Variants in TMEM132D observed in about 807,000 individuals in gnomAD.
TMEM132D encodes the protein mature OL transmembrane protein.
A neutral mutation model predicts 62.3 loss-of-function variants in TMEM132D; 21 were observed. That is an observed-to-expected ratio of 0.34 (90% confidence interval 0.24 to 0.49). The LOEUF (loss-of-function observed/expected upper bound fraction) is 0.49, where lower values mean the gene tolerates loss of function less well. Among genes scored for constraint, TMEM132D ranks in the 20% least tolerant of loss-of-function variants. The probability of loss-of-function intolerance (pLI) is 0.99; values close to 1 mark genes in which losing one functional copy is unlikely to be tolerated. For synonymous variants in TMEM132D, 621 were observed against 575.6 expected, an observed-to-expected ratio of 1.08 and a Z score of -1.13; for missense variants, 1,346 against 1,402.8, an observed-to-expected ratio of 0.96 and a Z score of 0.65.
intron 4 of TMEM132D, among the ~76,000 whole-genome samples, chr12:129,291,510 C>T (rs1158103259): frequency 6.6e-6 from 1 of 152,226 alleles, no homozygotes; most frequent in East Asian, 1.9e-4. Context: ...AGTCCTCCAT[C>T]TCTTCCCTCT....
intron 3 of TMEM132D, among the ~76,000 whole-genome samples, chr12:129,457,436 G>A (rs1409008255): frequency 1.7e-5 from 2 of 120,876 alleles, no homozygotes; most frequent in East Asian, 5.8e-4. Flanking sequence ...ACCGGGGCCT[G>A]TTGTGGGGTA....
intron 2 of TMEM132D, among the ~76,000 whole-genome samples, chr12:129,540,343 T>C (rs1055263101): frequency 2.0e-5 from 3 of 152,078 alleles, no homozygotes; most frequent in African/African-American, 7.2e-5. Context: ...TGTTAGAGGC[T>C]CTGAAGTCAA....
chr12:129,845,090 T>C (rs951409227), intron 1 of TMEM132D, among the ~76,000 whole-genome samples: 1 of 152,172 alleles, frequency 6.6e-6, no homozygotes, highest in Admixed American at 6.5e-5. Context: ...TACCTTTTGG[T>C]GTACAGAGAA....
intron 2 of TMEM132D, among the ~76,000 whole-genome samples, chr12:129,605,622 TACACACAC>T (rs55684861): frequency 1.8e-4 from 23 of 126,830 alleles, no homozygotes; most frequent in Non-Finnish European, 3.3e-4. Context: ...CATATATATA[TACACACAC>T]ACACACACAC....
rs574815768 is a variant in TMEM132D, at chr12:129,880,407, T to C, written c.79+22854A>G. Among the ~76,000 whole-genome samples, 14 of 152,306 alleles carry C rather than the reference T, an allele frequency of 9.2e-5. No homozygotes were observed. The East Asian group carries it at 2.5e-3, about 27-fold the overall frequency. Reference sequence around the variant, plus strand: ...AGACTGTGTTACAGGCAGAAATGAATATCTGCACAAAGAACTGAAAACTTC... The same window carrying C: ...AGACTGTGTTACAGGCAGAAATGAACATCTGCACAAAGAACTGAAAACTTC... On this transcript the variant is annotated intron_variant, in intron 1 of 8. Coordinates refer to ENST00000422113, the MANE Select transcript of TMEM132D (RefSeq NM_133448.3).
chr12:129,635,405 C>T (rs984499011), intron 2 of TMEM132D, among the ~76,000 whole-genome samples: 1 of 152,232 alleles, frequency 6.6e-6, no homozygotes, highest in Non-Finnish European at 1.5e-5. Flanking sequence ...CAGAGAGGTG[C>T]AGGATGCTCA....
chr12:129,810,562 ACACACACACACC>A (rs752908746), intron 1 of TMEM132D, among the ~76,000 whole-genome samples: 63 of 18,946 alleles, frequency 3.3e-3, no homozygotes, highest in Admixed American at 0.012. Flanking sequence ...ACACACACAC[ACACACACACACC>A]CCCCCACACT....
chr12:129,627,452 G>A (rs1050213536), intron 2 of TMEM132D, among the ~76,000 whole-genome samples: 7 of 152,130 alleles, frequency 4.6e-5, no homozygotes, highest in African/African-American at 1.2e-4. Context: ...AGTATACTCC[G>A]TGATGTCTGC....
chr12:129,703,465 CT>C (rs11392426), intron 1 of TMEM132D, among the ~76,000 whole-genome samples: 25 of 147,690 alleles, frequency 1.7e-4, no homozygotes, highest in African/African-American at 4.7e-4. Flanking sequence ...CACTTCCTTT[CT>C]TTTTTTTTTT....
At chr12:129,595,834 T>G (rs1038098583) in intron 2 of TMEM132D, among the ~76,000 whole-genome samples, 1 of 152,212 alleles carries the variant, frequency 6.6e-6, no homozygotes, top group African/African-American at 2.4e-5. Context: ...ATGAGCCAGT[T>G]TCCAGTGGTC....
At chr12:129,552,861 A>C (rs1261782126) in intron 2 of TMEM132D, among the ~76,000 whole-genome samples, 1 of 152,118 alleles carries the variant, frequency 6.6e-6, no homozygotes, top group Admixed American at 6.5e-5. Context: ...ATTATCTATC[A>C]TCTACCTATC....
chr12:129,815,335 C>T (rs988374035), intron 1 of TMEM132D, among the ~76,000 whole-genome samples: 3 of 152,200 alleles, frequency 2.0e-5, no homozygotes, highest in African/African-American at 7.2e-5. Context: ...CTCTTCCAGG[C>T]ATCGCTTGAG....
intron 1 of TMEM132D, among the ~76,000 whole-genome samples, chr12:129,811,177 G>C (rs1872166014): frequency 6.6e-6 from 1 of 151,590 alleles, no homozygotes; most frequent in Non-Finnish European, 1.5e-5. Flanking sequence ...AAAATGTTTG[G>C]GGAAAATGAC....
chr12:129,831,170 CCCAGCCCACTCA>C (rs761651708), intron 1 of TMEM132D, among the ~76,000 whole-genome samples: 6 of 152,322 alleles, frequency 3.9e-5, no homozygotes, highest in Non-Finnish European at 8.8e-5. Context: ...GGAACTGGGA[CCCAGCCCACTCA>C]CCAGCACATC....
intron 2 of TMEM132D, among the ~76,000 whole-genome samples, chr12:129,694,331 A>T (rs986492171): frequency 6.6e-6 from 1 of 152,212 alleles, no homozygotes; most frequent in African/African-American, 2.4e-5. Context: ...CAATTGAAGG[A>T]CATTCCTCAA....
chr12:129,629,898 G>T (rs1879311528), intron 2 of TMEM132D, among the ~76,000 whole-genome samples: 1 of 152,148 alleles, frequency 6.6e-6, no homozygotes, highest in South Asian at 2.1e-4. Context: ...AGTCAAATGT[G>T]GATCTGGTAA....
At chr12:129,199,897 A>G (rs1358574243) in intron 5 of TMEM132D, among the ~76,000 whole-genome samples, 1 of 152,202 alleles carries the variant, frequency 6.6e-6, no homozygotes, top group Non-Finnish European at 1.5e-5. Flanking sequence ...ACAATTCAAG[A>G]TAAGATTTGG....
chr12:129,387,202 C>T (rs1871130037), intron 3 of TMEM132D, among the ~76,000 whole-genome samples: 1 of 121,070 alleles, frequency 8.3e-6, no homozygotes. Flanking sequence ...CCAACACTAA[C>T]AATAATACCA....
chr12:129,601,732 A>C (rs756403839), intron 2 of TMEM132D, among the ~76,000 whole-genome samples: 3 of 152,154 alleles, frequency 2.0e-5, no homozygotes, highest in Non-Finnish European at 4.4e-5. Flanking sequence ...TTTATAAATT[A>C]GGGTGAAAAT....
Sources: gnomAD v4.1 joint callset for allele counts (sites outside exome capture counted in the v4.1 genomes callset) on GRCh38, gnomAD v4.1.1 for gene constraint, MANE v1.5 for transcripts, NCBI Gene and HGNC (gene_info 2026-07-23, HGNC 2026-07-21) for gene names.